Variants in ZNF444 observed in about 807,000 individuals in gnomAD.
ZNF444 encodes the protein endothelial zinc finger protein 2.
Under a neutral mutation model 14.4 loss-of-function variants are expected in ZNF444, and 8 were observed. The observed-to-expected ratio is 0.56, with a 90% CI of 0.33 to 1.00. The LOEUF (loss-of-function observed/expected upper bound fraction) is 1.00, where lower values mean the gene tolerates loss of function less well. ZNF444 is among the 50% of genes least tolerant of loss of function. The pLI, the probability that ZNF444 is intolerant of heterozygous loss-of-function variation, is 0.03. For missense variants in ZNF444, 510 were observed against 504.8 expected (o/e 1.01, Z -0.10); for synonymous variants, 258 against 235.9 (o/e 1.09, Z -0.86).
chr19:56,135,729 G>A (rs762173180), intron 1 of ZNF444, among the ~76,000 whole-genome samples: 6 of 151,510 alleles, frequency 4.0e-5, no homozygotes, highest in Non-Finnish European at 5.9e-5. Context: ...ATATGTGAGC[G>A]TCAACCAATT....
chr19:56,139,504 T>C (rs2030692463), upstream of ZNF444, among the ~76,000 whole-genome samples: 1 of 151,906 alleles, frequency 6.6e-6, no homozygotes, highest in South Asian at 2.1e-4. Flanking sequence ...CTGGCCAACA[T>C]GGCAAACCCC....
At position 56,145,236 on chromosome 19, in the gene ZNF444, G is replaced by A. The variant is rs1190126076; in HGVS notation, c.-196-1011G>A. Among the ~76,000 whole-genome samples, 1 of 152,194 alleles carries A rather than the reference G, an allele frequency of 6.6e-6. No homozygotes were observed. Among genetic ancestry groups the A allele is most frequent in the East Asian group, 1.9e-4 (1 of 5,194 alleles). On this transcript the variant is annotated intron_variant, in intron 1 of 4. Coordinates refer to ENST00000337080, the MANE Select transcript of ZNF444 (RefSeq NM_018337.4). The surrounding 1 kb of genome is among the most constrained non-coding windows in gnomAD (Gnocchi z 4.3). ...TGATGGGAGTCATATCTATTGTTAC[G>A]TATCATAGTAGAAACCAAAACAGAA...
chr19:56,141,915 A>G (rs932501230), intron 1 of ZNF444: 1 of 152,244 alleles, frequency 6.6e-6, no homozygotes, highest in Admixed American at 6.5e-5. Flanking sequence ...AGATTCCTGA[A>G]GATAAGAATC....
At chr19:56,134,152 C>T (rs895052591) in intron 1 of ZNF444, among the ~76,000 whole-genome samples, 3 of 152,160 alleles carry the variant, frequency 2.0e-5, no homozygotes, top group African/African-American at 7.2e-5. Context: ...CAACCCGAGC[C>T]TCCAGAGATG....
Position 56,159,710 on chromosome 19 carries a change from C to T in ZNF444, c.493C>T (p.Leu165=). The change falls in exon 5 of 5, where the codon CTG becomes TTG. Residue 165 remains leucine (L), a synonymous_variant. Transcript: ENST00000337080. ...PYKQEPSSPP[L]APGLPAFLAA... ...CAAGCAGGAGCCCAGCAGCCCCCCG[C>T]TGGCGCCTGGCCTGCCCGCCTTCCT... is the stretch of plus-strand genomic sequence containing the variant. The T allele has an allele frequency of 6.4e-7, 1 of 1,554,182 alleles. No individual in the cohort carries two copies. The highest frequency in any genetic ancestry group is 8.7e-7 in the Non-Finnish European group (1 of 1,154,246).
rs1447495613 is a variant in ZNF444 at position 56,145,573 on chromosome 19, G to A, written c.-196-674G>A. ...TGCACTCCATCCTGGGCAACAGAGC[G>A]AGACTCCATCTCAAAACAAAAATTA... On this transcript the variant is annotated intron_variant, in intron 1 of 4. Transcript: ENST00000337080. The surrounding 1 kb of genome is among the most constrained non-coding windows in gnomAD (Gnocchi z 4.3). Among the ~76,000 whole-genome samples, 3 of 151,686 alleles carry A rather than the reference G, an allele frequency of 2.0e-5. No individual in the cohort carries two copies. Among genetic ancestry groups the A allele is most frequent in the African/African-American group, 4.9e-5 (2 of 41,130 alleles).
chr19:56,159,505 C>G, intron 4 of ZNF444, 119 bp from the exon 5 acceptor site: 1 of 898,118 alleles, frequency 1.1e-6, no homozygotes, highest in Non-Finnish European at 1.6e-6. Flanking sequence ...CAGCCCAGCC[C>G]TCTTCCCACC....
upstream of ZNF444, chr19:56,140,868 GCTC>G (rs904988495): frequency 2.4e-4 from 37 of 152,072 alleles, no homozygotes; most frequent in Admixed American, 1.8e-3. Flanking sequence ...CGCCGCCATG[GCTC>G]CTCCTCCTCC....
At chr19:56,134,397 C>T (rs549453802) in intron 1 of ZNF444, among the ~76,000 whole-genome samples, 2 of 152,288 alleles carry the variant, frequency 1.3e-5, no homozygotes, top group East Asian at 3.9e-4. Flanking sequence ...GGCCCCAAGC[C>T]AGGAGCTGGG....
In ZNF444 at chr19:56,133,600, C is replaced by G. The variant is rs557102806; in HGVS notation, c.-197+822C>G. 4.7e-3 allele frequency among the ~76,000 whole-genome samples: 716 copies of G among 151,142 alleles called. 4 individuals are homozygous for G. The highest frequency in any genetic ancestry group is 7.7e-3 in the Non-Finnish European group (523 of 67,962). ...GGCCGAGATGGGTGGATCACAAGGT[C>G]AGGAGATCAAGACCATCCTGGCTAA... On this transcript the variant is annotated intron_variant, in intron 1 of 2. Transcript: ENST00000587467.
chr19:56,151,648 C>T (rs758093481), intron 3 of ZNF444: 5 of 417,152 alleles, frequency 1.2e-5, no homozygotes, highest in Admixed American at 2.6e-5. Context: ...TGGGAGCTGA[C>T]GGTGGTGTAT....
At chr19:56,146,659 G>T (rs1331464336) in intron 2 of ZNF444, among the ~76,000 whole-genome samples, 2 of 152,152 alleles carry the variant, frequency 1.3e-5, no homozygotes, top group Non-Finnish European at 2.9e-5. Context: ...CGTGGTGGCG[G>T]ATGCCTGTAA....
chr19:56,138,792 CTT>C (rs59273024), upstream of ZNF444, among the ~76,000 whole-genome samples: 4 of 92,846 alleles, frequency 4.3e-5, no homozygotes, highest in African/African-American at 4.5e-5. Context: ...CTTGAATGTA[CTT>C]TTTTTTTTTT....
rs966243956 is a variant in ZNF444, at chr19:56,160,020, A to T, written c.803A>T (p.His268Leu). The change falls in exon 5 of 5, where the codon CAC becomes CTC. Residue 268 changes from histidine (H) to leucine (L), a missense_variant. Physicochemically the swap from His to Leu is moderately conservative, Grantham distance 99 (BLOSUM62 -3). Transcript: ENST00000337080. Reference protein sequence around the residue: ...TFYWREHLVRHRKTHSGARPF... With the variant: ...TFYWREHLVRLRKTHSGARPF... ...TACTGGCGCGAGCACCTGGTGCGCC[A>T]CCGCAAGACGCACTCGGGAGCGCGG... 1.3e-5 allele frequency: 20 copies of T among 1,511,568 alleles called. No homozygotes were observed. Among genetic ancestry groups the T allele is most frequent in the Non-Finnish European group, 1.7e-5 (19 of 1,135,672 alleles). The allele number at this position is 1,511,568 out of a possible 1,614,324, so 93.6% of individuals were successfully genotyped here. A position where few individuals can be genotyped will look rare whatever the true frequency, so the allele number is the denominator to read the frequency against.
At chr19:56,139,220 C>A (rs1197894044), upstream of ZNF444, among the ~76,000 whole-genome samples, 1 of 151,650 alleles carries the variant, frequency 6.6e-6, no homozygotes, top group Non-Finnish European at 1.5e-5. Context: ...GGAGCAGGAA[C>A]TGAGGGGCAG....
In ZNF444 at chr19:56,160,284, T is replaced by TC; in HGVS notation, c.*85dup. On this transcript the variant is annotated 3_prime_UTR_variant, in exon 5 of 5. Transcript: ENST00000337080. ...TCTCTCCCAGCGCCACTTGGCCTCT[T>TC]CCTCTCCTCCTTCCCTCCCATCGTC... 1 of 1,131,476 alleles carries TC rather than the reference T, an allele frequency of 8.8e-7. No individual in the cohort carries two copies. Among genetic ancestry groups the TC allele is most frequent in the Non-Finnish European group, 1.2e-6 (1 of 852,978 alleles). 70.1% of individuals were successfully genotyped at this position (1,131,476 alleles called of 1,614,324 possible).
chr19:56,160,059 G>A lies in ZNF444; in HGVS notation c.842G>A (p.Trp281Ter). ...THSGARPFAC[W>*]ECGKGFGRRE... Reference sequence around the variant, plus strand: ...TCGGGAGCGCGGCCCTTTGCCTGCTGGGAGTGTGGCAAGGGCTTCGGGCGC... The same window carrying A: ...TCGGGAGCGCGGCCCTTTGCCTGCTAGGAGTGTGGCAAGGGCTTCGGGCGC... Residue 281 changes from tryptophan (W) to a stop codon, truncating the protein, a stop_gained, in exon 5 of 5, where the codon TGG becomes TAG. Coordinates refer to ENST00000337080, the MANE Select transcript of ZNF444 (RefSeq NM_018337.4). LOFTEE classifies it low-confidence loss of function (END_TRUNC). 3 of 1,506,632 alleles carry A rather than the reference G, an allele frequency of 2.0e-6. No individual in the cohort carries two copies. Among genetic ancestry groups the A allele is most frequent in the Non-Finnish European group, 2.6e-6 (3 of 1,132,736 alleles). The allele number at this position is 1,506,632 out of a possible 1,614,324, so 93.3% of individuals were successfully genotyped here.
intron 2 of ZNF444, among the ~76,000 whole-genome samples, chr19:56,146,661 T>A (rs1397458261): frequency 6.6e-6 from 1 of 152,150 alleles, no homozygotes; most frequent in Non-Finnish European, 1.5e-5. Context: ...TGGTGGCGGA[T>A]GCCTGTAATT....
upstream of ZNF444, among the ~76,000 whole-genome samples, chr19:56,139,256 C>T (rs914244618): frequency 6.6e-6 from 1 of 152,044 alleles, no homozygotes; most frequent in South Asian, 2.1e-4. Flanking sequence ...AGAGTGGAAG[C>T]ATGACAGTGT....
Sources: gnomAD v4.1 joint callset for allele counts (sites outside exome capture counted in the v4.1 genomes callset) on GRCh38, gnomAD v4.1.1 for gene constraint, Gnocchi (gnomAD v3.1) non-coding constraint, MANE v1.5 for transcripts, NCBI Gene and HGNC (gene_info 2026-07-23, HGNC 2026-07-21) for gene names.